The following NSMCE2 variants were observed in gnomAD, a reference collection of about 807,000 sequenced individuals.
The protein encoded by NSMCE2 is E3 SUMO-protein ligase NSE2.
Under a neutral mutation model 23.8 loss-of-function variants are expected in NSMCE2, and 24 were observed. The ratio of observed to expected loss-of-function variants is 1.01; its 90% CI spans 0.73 to 1.42. The LOEUF (loss-of-function observed/expected upper bound fraction) is 1.42. Ranked by LOEUF, NSMCE2 falls within the 40% of genes most tolerant of loss-of-function variation. The pLI, the probability that NSMCE2 is intolerant of heterozygous loss-of-function variation, is 0.00. For missense variants in NSMCE2, 284 were observed against 296.5 expected (o/e 0.96, Z 0.31); for synonymous variants, 92 against 94.1 (o/e 0.98, Z 0.13).
chr8:125,190,811 C>T (rs191681859), intron 5 of NSMCE2, among the ~76,000 whole-genome samples: 143 of 152,154 alleles, frequency 9.4e-4, no homozygotes, highest in African/African-American at 3.3e-3. Context: ...GAATAACAGC[C>T]GACATTGTTT....
chr8:125,275,296 C>T (rs1164232326), intron 5 of NSMCE2, among the ~76,000 whole-genome samples: 1 of 152,176 alleles, frequency 6.6e-6, no homozygotes, highest in African/African-American at 2.4e-5. Flanking sequence ...ACACTTCATC[C>T]CGTCTTCTAG....
At chr8:125,344,574 C>G (rs62521017) in intron 5 of NSMCE2, among the ~76,000 whole-genome samples, 3 of 151,954 alleles carry the variant, frequency 2.0e-5, no homozygotes, top group Non-Finnish European at 4.4e-5. Flanking sequence ...GAAACCCCGT[C>G]TCTACCAAAA....
intron 4 of NSMCE2, among the ~76,000 whole-genome samples, chr8:125,176,888 C>A (rs765670099): frequency 1.3e-5 from 2 of 152,222 alleles, no homozygotes; most frequent in Admixed American, 1.3e-4. Context: ...ACAGTCCTCA[C>A]CACTTCCTAT....
At chr8:125,328,699 A>G (rs185026183) in intron 5 of NSMCE2, among the ~76,000 whole-genome samples, 40 of 152,298 alleles carry the variant, frequency 2.6e-4, no homozygotes, top group Admixed American at 1.3e-3. Flanking sequence ...GTGATTTGCT[A>G]TCTATCATCG....
At chr8:125,353,596 C>A (rs1011483241) in intron 5 of NSMCE2, among the ~76,000 whole-genome samples, 3 of 152,148 alleles carry the variant, frequency 2.0e-5, no homozygotes, top group Admixed American at 2.0e-4. Context: ...TATTAAATAT[C>A]GTTTTAGGAC....
chr8:125,195,279 C>A (rs1454365320), intron 5 of NSMCE2, among the ~76,000 whole-genome samples: 3 of 151,954 alleles, frequency 2.0e-5, no homozygotes, highest in Non-Finnish European at 4.4e-5. Flanking sequence ...TCTGGTAAGT[C>A]CACAGGCATT....
intron 4 of NSMCE2, among the ~76,000 whole-genome samples, chr8:125,165,884 C>T (rs920183647): frequency 1.3e-5 from 2 of 152,104 alleles, no homozygotes; most frequent in Non-Finnish European, 1.5e-5. Context: ...CTTCAAATCT[C>T]AGGGAGCCAT....
At chr8:125,126,152 G>A (rs1437390571) in intron 3 of NSMCE2, among the ~76,000 whole-genome samples, 1 of 152,092 alleles carries the variant, frequency 6.6e-6, no homozygotes, top group African/African-American at 2.4e-5. Flanking sequence ...AGAGGCCAAG[G>A]CGGGCAGATC....
At chr8:125,298,598 C>A (rs1349627561) in intron 5 of NSMCE2, among the ~76,000 whole-genome samples, 8 of 151,770 alleles carry the variant, frequency 5.3e-5, no homozygotes, top group Non-Finnish European at 1.2e-4. Context: ...TCTGTAAAAA[C>A]AGGCAGAGTT....
At chr8:125,210,933 A>G (rs1315986797) in intron 5 of NSMCE2, among the ~76,000 whole-genome samples, 2 of 151,944 alleles carry the variant, frequency 1.3e-5, no homozygotes, top group Non-Finnish European at 2.9e-5. Context: ...AGATTTCACC[A>G]TGTTGGCCAG....
At chr8:125,269,892 A>C (rs1318910992) in intron 5 of NSMCE2, among the ~76,000 whole-genome samples, 1 of 152,230 alleles carries the variant, frequency 6.6e-6, no homozygotes, top group Non-Finnish European at 1.5e-5. Flanking sequence ...TGTCCTCTGG[A>C]AGCCTTCATT....
At chr8:125,346,721 T>C (rs914991833) in intron 5 of NSMCE2, among the ~76,000 whole-genome samples, 4 of 152,188 alleles carry the variant, frequency 2.6e-5, no homozygotes, top group African/African-American at 9.7e-5. Flanking sequence ...TTTATTGGTT[T>C]GAAGTGGATA....
chr8:125,215,799 C>CT (rs1824555567), intron 5 of NSMCE2, among the ~76,000 whole-genome samples: 1 of 152,172 alleles, frequency 6.6e-6, no homozygotes, highest in Non-Finnish European at 1.5e-5. Flanking sequence ...GGTTCTATCT[C>CT]TATGTATTTG....
intron 5 of NSMCE2, among the ~76,000 whole-genome samples, chr8:125,223,855 A>G (rs918564472): frequency 7.5e-6 from 1 of 133,412 alleles, no homozygotes; most frequent in Non-Finnish European, 1.5e-5. Context: ...GCTGTCACGC[A>G]GGCTGGAGTA....
At chr8:125,194,697 C>T (rs898880008) in intron 5 of NSMCE2, among the ~76,000 whole-genome samples, 5 of 151,858 alleles carry the variant, frequency 3.3e-5, no homozygotes, top group Non-Finnish European at 7.4e-5. Flanking sequence ...GACATTTTGT[C>T]GATATTATTT....
intron 5 of NSMCE2, among the ~76,000 whole-genome samples, chr8:125,297,497 C>T (rs1358281765): frequency 6.6e-6 from 1 of 152,114 alleles, no homozygotes; most frequent in Non-Finnish European, 1.5e-5. Context: ...CCTGCTTCTC[C>T]ACATTAGCTC....
intron 5 of NSMCE2, among the ~76,000 whole-genome samples, chr8:125,315,581 C>T (rs1444783103): frequency 3.9e-5 from 6 of 152,162 alleles, no homozygotes; most frequent in East Asian, 1.9e-4. Flanking sequence ...GCTGGGTGCA[C>T]GGTCAGCAAT....
At chr8:125,345,235 G>A (rs556339725) in intron 5 of NSMCE2, among the ~76,000 whole-genome samples, 19 of 151,502 alleles carry the variant, frequency 1.3e-4, no homozygotes, top group South Asian at 4.1e-4. Context: ...GACCTCCGTC[G>A]TCTTTCTTTT....
chr8:125,304,130 T>G (rs1331679019), intron 5 of NSMCE2, among the ~76,000 whole-genome samples: 1 of 152,224 alleles, frequency 6.6e-6, no homozygotes, highest in African/African-American at 2.4e-5. Flanking sequence ...AGTTTTTGAC[T>G]GATTTAGACT....
Sources: gnomAD v4.1 joint callset for allele counts (sites outside exome capture counted in the v4.1 genomes callset) on GRCh38, gnomAD v4.1.1 for gene constraint, MANE v1.5 for transcripts, NCBI Gene and HGNC (gene_info 2026-07-23, HGNC 2026-07-21) for gene names.